The following TPCN1 variants were observed in gnomAD, a reference collection of about 807,000 sequenced individuals.
The protein encoded by TPCN1 is two pore channel protein 1.
Under a neutral mutation model 108.8 loss-of-function variants are expected in TPCN1, and 52 were observed. That is an observed-to-expected ratio of 0.48 (90% confidence interval 0.38 to 0.60). TPCN1 has a LOEUF of 0.60. TPCN1 is among the 20% of genes least tolerant of loss of function. The probability of loss-of-function intolerance (pLI) is 0.00; values close to 1 mark genes in which losing one functional copy is unlikely to be tolerated. For missense variants in TPCN1, 806 were observed against 1,072.8 expected (o/e 0.75, Z 3.47); for synonymous variants, 446 against 433.7 (o/e 1.03, Z -0.35).
chr12:113,267,368 T>C (rs1955301247), intron 4 of TPCN1, among the ~76,000 whole-genome samples: 1 of 152,140 alleles, frequency 6.6e-6, no homozygotes, highest in Non-Finnish European at 1.5e-5. Flanking sequence ...AGAACAAGAC[T>C]AGATATTAAA....
chr12:113,294,690 C>T (rs1956372015), intron 27 of TPCN1, among the ~76,000 whole-genome samples: 1 of 151,534 alleles, frequency 6.6e-6, no homozygotes, highest in African/African-American at 2.4e-5. Context: ...CCAATCTTTA[C>T]ATATTGGCAG....
chr12:113,284,835 C>A lies in TPCN1; in HGVS notation c.1453+64C>A. The A allele has an allele frequency of 1.3e-6, 2 of 1,541,500 alleles. No individual in the cohort carries two copies. The highest frequency in any genetic ancestry group is 2.2e-5 in the South Asian group (2 of 89,478). Reference sequence around the variant, plus strand: ...AAAATTGTCTGGGAGAACTTTCATTCAGTGTAGAACCTCATGGTTCTTCTC... The same window carrying A: ...AAAATTGTCTGGGAGAACTTTCATTAAGTGTAGAACCTCATGGTTCTTCTC... On this transcript the variant is annotated intron_variant, in intron 17 of 27. Coordinates refer to ENST00000335509, the MANE Select transcript of TPCN1 (RefSeq NM_017901.6). This position sits in a 1 kb window ranked among gnomAD's most constrained non-coding sequence, Gnocchi z 4.1.
At chr12:113,244,573 G>A (rs1205279713) in intron 2 of TPCN1, 1 of 985,320 alleles carries the variant, frequency 1.0e-6, no homozygotes. Context: ...ACAGAAGCAT[G>A]GTGGCAACGC....
chr12:113,241,888 ATACTT>A (rs1260354558), intron 2 of TPCN1, among the ~76,000 whole-genome samples: 2 of 152,260 alleles, frequency 1.3e-5, no homozygotes, highest in African/African-American at 4.8e-5. Flanking sequence ...TACTCAATAA[ATACTT>A]TGTGAGTGAG....
chr12:113,232,315 G>T lies in TPCN1; in HGVS notation c.112+5351G>T, dbSNP rs984433847. 1.3e-5 allele frequency among the ~76,000 whole-genome samples: 2 copies of T among 152,220 alleles called. No homozygotes were observed. Among genetic ancestry groups the T allele is most frequent in the African/African-American group, 4.8e-5 (2 of 41,464 alleles). On this transcript the variant is annotated intron_variant, in intron 2 of 27. Coordinates refer to ENST00000335509, the MANE Select transcript of TPCN1 (RefSeq NM_017901.6). The surrounding 1 kb of genome is among the most constrained non-coding windows in gnomAD (Gnocchi z 5.6). ...GGAGGATCCCTGCCCCCTGGCAGGG[G>T]CCCCCATGTGGCACCCTGGTCCCCT...
intron 2 of TPCN1, among the ~76,000 whole-genome samples, chr12:113,255,513 AATT>A (rs1954799958): frequency 6.6e-6 from 1 of 151,824 alleles, no homozygotes; most frequent in Non-Finnish European, 1.5e-5. Flanking sequence ...GAAATTGACT[AATT>A]ATTATTATTA....
chr12:113,295,026 G>C (rs1440102420), intron 27 of TPCN1, among the ~76,000 whole-genome samples: 1 of 152,216 alleles, frequency 6.6e-6, no homozygotes, highest in Non-Finnish European at 1.5e-5. Flanking sequence ...ATGTGTAGTG[G>C]CTCACTGAAC....
At chr12:113,285,769 C>T (rs919293528) in intron 17 of TPCN1, 120 bp from the exon 18 acceptor site, 6 of 867,250 alleles carry the variant, frequency 6.9e-6, no homozygotes, top group African/African-American at 3.3e-5. Context: ...GGCCTGGGCT[C>T]AGCCTGGAGG....
rs1229462550 is a variant in TPCN1, at chr12:113,269,144, T to C, written c.659+272T>C. Reference sequence around the variant, plus strand: ...CTGCTTCCTCGCTCTAGGCATGTTATCTACCCAAATGCAGGCAGCTCAGCA... The same window carrying C: ...CTGCTTCCTCGCTCTAGGCATGTTACCTACCCAAATGCAGGCAGCTCAGCA... On this transcript the variant is annotated intron_variant, in intron 6 of 27. Coordinates refer to ENST00000335509, the MANE Select transcript of TPCN1 (RefSeq NM_017901.6). The surrounding 1 kb of genome is among the most constrained non-coding windows in gnomAD (Gnocchi z 5.0). Among the ~76,000 whole-genome samples the C allele has an allele frequency of 6.6e-6, 1 of 152,218 alleles. No homozygotes were observed. The highest frequency in any genetic ancestry group is 1.5e-5 in the Non-Finnish European group (1 of 68,034).
At chr12:113,291,981 G>T (rs1477739521) in intron 25 of TPCN1, 23 bp downstream of exon 25, 5 of 1,607,710 alleles carry the variant, frequency 3.1e-6, no homozygotes, top group Non-Finnish European at 4.3e-6. Flanking sequence ...ATGATGCCTT[G>T]GGCATTTGAT....
At chr12:113,292,160 CT>C in intron 25 of TPCN1, 1 of 574,138 alleles carries the variant, frequency 1.7e-6, no homozygotes, top group South Asian at 2.1e-5. Flanking sequence ...CGTAATCTAA[CT>C]TTAAAATAAG....
In TPCN1 at chr12:113,278,745, C is replaced by G; in HGVS notation, c.1234-27C>G. On this transcript the variant is annotated intron_variant, in intron 13 of 27. Transcript: ENST00000335509. ...GGCCCTGGTCCCTGGCCCTGACACC[C>G]TCCCTCTTGGTCCTGTTGTCTACCA... 3.1e-6 allele frequency: 5 copies of G among 1,610,656 alleles called. No individual in the cohort carries two copies. The South Asian group carries it at 5.5e-5, about 18-fold the overall frequency.
chr12:113,246,097 G>A (rs997258327), intron 2 of TPCN1: 18 of 451,378 alleles, frequency 4.0e-5, no homozygotes, highest in African/African-American at 3.2e-4. Context: ...CCTCTGCACC[G>A]GGATGTCTCT....
intron 18 of TPCN1, among the ~76,000 whole-genome samples, 180 bp from the exon 19 acceptor site, chr12:113,286,807 G>A (rs561378708): frequency 6.6e-6 from 1 of 152,212 alleles, no homozygotes; most frequent in South Asian, 2.1e-4. Flanking sequence ...TGCTGGGACA[G>A]GGCCTGGCCA....
chr12:113,244,240 C>G, intron 2 of TPCN1: 1 of 906,294 alleles, frequency 1.1e-6, no homozygotes, highest in Non-Finnish European at 1.3e-6. Context: ...CGTGGTACTG[C>G]CCCGTTGAGC....
rs141583558 is a variant in TPCN1, at chr12:113,266,287, G to A, written c.345G>A (p.Thr115=). Residue 115 remains threonine (T), a synonymous_variant, in exon 4 of 28, where the codon ACG becomes ACA. Transcript: ENST00000335509. This position sits in a 1 kb window ranked among gnomAD's most constrained non-coding sequence, Gnocchi z 4.2. ...TCTTCTACCTGATGGAGCTGGCCAC[G>A]GCCCTGCTGCTGCTGCTGCTCTCCC... is the stretch of plus-strand genomic sequence containing the variant. ...NHLFYLMELA[T]ALLLLLLSLC... 123 of 1,613,468 alleles carry A rather than the reference G, an allele frequency of 7.6e-5. No individual in the cohort carries two copies. In the African/African-American group the frequency reaches 9.1e-4, roughly 12 times the overall value.
At chr12:113,292,420 G>T (rs1174202269) in intron 25 of TPCN1, 1 of 196,078 alleles carries the variant, frequency 5.1e-6, no homozygotes, top group Non-Finnish European at 1.0e-5. Flanking sequence ...TGGCTTTAGT[G>T]ACTGCCTCAC....
At chr12:113,281,740 T>C (rs1192547120) in intron 15 of TPCN1, among the ~76,000 whole-genome samples, 1 of 151,904 alleles carries the variant, frequency 6.6e-6, no homozygotes, top group African/African-American at 2.4e-5. Context: ...GGTAGCCTCA[T>C]GTTGCCCAGG....
chr12:113,247,673 A>T (rs965632802), intron 2 of TPCN1, among the ~76,000 whole-genome samples: 5 of 152,246 alleles, frequency 3.3e-5, no homozygotes, highest in African/African-American at 1.2e-4. Context: ...AAAGGAACAG[A>T]ATGGAACTGT....
Sources: allele counts gnomAD v4.1 joint callset (sites outside exome capture counted in the v4.1 genomes callset), GRCh38; gene constraint gnomAD v4.1.1; non-coding constraint Gnocchi (gnomAD v3.1); transcripts MANE v1.5; gene names NCBI Gene and HGNC (gene_info 2026-07-23, HGNC 2026-07-21).